Variants in TEKT5 observed in about 807,000 individuals in gnomAD.
TEKT5 encodes the protein tektin-5.
In TEKT5, 52 loss-of-function variants were observed where a neutral mutation model predicts 48.7. The observed-to-expected ratio is 1.07, with a 90% CI of 0.86 to 1.35. The LOEUF is 1.35. Among genes scored for constraint, TEKT5 ranks in the 40% most tolerant of loss-of-function variants. The pLI, the probability that TEKT5 is intolerant of heterozygous loss-of-function variation, is 0.00. For missense variants in TEKT5, 831 were observed against 641.6 expected (o/e 1.30, Z -3.19); for synonymous variants, 318 against 267.6 (o/e 1.19, Z -1.84).
rs779385992 is a variant in TEKT5, at chr16:10,688,452, C to T, written c.719+801G>A. On this transcript the variant is annotated intron_variant, in intron 3 of 6. Coordinates refer to ENST00000283025, the MANE Select transcript of TEKT5 (RefSeq NM_144674.2). ...AAGGTGCCCGCCCCCCCTGCATCCA[C>T]GCCAACTGCCCATGTGCACCAGGCA... Among the ~76,000 whole-genome samples, 7 of 152,352 alleles carry T rather than the reference C, an allele frequency of 4.6e-5. No individual in the cohort carries two copies. The East Asian group carries it at 9.6e-4, about 21-fold the overall frequency.
At chr16:10,687,555 C>T (rs1180138000) in intron 3 of TEKT5, among the ~76,000 whole-genome samples, 2 of 152,216 alleles carry the variant, frequency 1.3e-5, no homozygotes, top group Non-Finnish European at 2.9e-5. Context: ...GAGTTCCAGA[C>T]CAGCCTGGCC....
At chr16:10,683,882 C>G (rs901517187) in intron 3 of TEKT5, among the ~76,000 whole-genome samples, 1 of 152,190 alleles carries the variant, frequency 6.6e-6, no homozygotes, top group East Asian at 1.9e-4. Context: ...CATAAGCCAC[C>G]GCACCTGGCC....
chr16:10,677,427 T>C lies in TEKT5; in HGVS notation c.864-1246A>G, dbSNP rs748923443. Among the ~76,000 whole-genome samples, 38 of 146,748 alleles carry C rather than the reference T, an allele frequency of 2.6e-4. 2 individuals carry two copies. The highest frequency in any genetic ancestry group is 5.0e-4 in the Non-Finnish European group (34 of 67,912). On this transcript the variant is annotated intron_variant, in intron 4 of 6. Coordinates refer to ENST00000283025, the MANE Select transcript of TEKT5 (RefSeq NM_144674.2). ...GAATTTGAGACCAGCCTGGCCAACA[T>C]GGTGAAATCCCGTCTCTACTAAAAA...
chr16:10,651,213 T>C (rs978168815), intron 5 of TEKT5, among the ~76,000 whole-genome samples: 1 of 152,164 alleles, frequency 6.6e-6, no homozygotes, highest in African/African-American at 2.4e-5. Context: ...GGTATCCACA[T>C]GCCTCATTCT....
At chr16:10,633,288 G>C (rs1409206252) in intron 6 of TEKT5, among the ~76,000 whole-genome samples, 1 of 152,156 alleles carries the variant, frequency 6.6e-6, no homozygotes, top group Admixed American at 6.5e-5. Flanking sequence ...TTGAACCCGG[G>C]AGGTGGAGGT....
intron 3 of TEKT5, among the ~76,000 whole-genome samples, chr16:10,685,436 A>G (rs115362928): frequency 0.024 from 3,624 of 152,102 alleles, 130 homozygotes; most frequent in African/African-American, 0.083. Flanking sequence ...AGTAGCTGGG[A>G]TTAGAGACAT....
Position 10,694,689 on chromosome 16 carries a change from T to C in TEKT5, c.185A>G (p.Gln62Arg). The stretch of plus-strand genomic sequence containing the variant: ...ACTGGTGCTCTCGTCCGGGCAGGTC[T>C]GGACGTTGGCTATCTTGTAGAAGAG... ...PSLFYKIANV[Q>R]TCPDESTSTL... Residue 62 changes from glutamine to arginine, a missense_variant, in exon 1 of 7, where the codon CAG (glutamine) becomes CGG (arginine). Gln to Arg is a conservative substitution (Grantham distance 43, BLOSUM62 1). Transcript: ENST00000283025. 1 of 1,613,690 alleles carries C rather than the reference T, an allele frequency of 6.2e-7. No homozygotes were observed. The highest frequency in any genetic ancestry group is 8.5e-7 in the Non-Finnish European group (1 of 1,179,728).
intron 4 of TEKT5, among the ~76,000 whole-genome samples, chr16:10,680,201 G>C (rs1340284453): frequency 6.6e-6 from 1 of 152,244 alleles, no homozygotes; most frequent in East Asian, 1.9e-4. Flanking sequence ...ACCTTGTCAG[G>C]AAGAGAAGGA....
chr16:10,655,023 A>C (rs979170371), intron 5 of TEKT5, among the ~76,000 whole-genome samples: 3 of 143,732 alleles, frequency 2.1e-5, no homozygotes, highest in Non-Finnish European at 4.5e-5. Context: ...GACAATAGGA[A>C]ATTCAGATTT....
chr16:10,637,219 A>G (rs759962116), intron 5 of TEKT5, among the ~76,000 whole-genome samples: 21 of 151,504 alleles, frequency 1.4e-4, no homozygotes, highest in Non-Finnish European at 2.5e-4. Context: ...TATTTTTAGT[A>G]CAGATGGGGT....
intron 5 of TEKT5, among the ~76,000 whole-genome samples, chr16:10,665,633 C>A (rs2541514): frequency 0.34 from 51,465 of 151,948 alleles, 9,903 homozygotes; most frequent in East Asian, 0.54. Context: ...AGCTGTGACA[C>A]AGTCACCCTG....
intron 5 of TEKT5, among the ~76,000 whole-genome samples, chr16:10,674,995 T>C (rs1898619124): frequency 6.6e-6 from 1 of 151,994 alleles, no homozygotes. Context: ...TGGCTAATTT[T>C]TTCTATTTTT....
rs1209020264 is a variant in TEKT5, at chr16:10,694,394, G to A, written c.480C>T (p.Asp160=). The change falls in exon 1 of 7, where the codon GAC becomes GAT. Residue 160 remains aspartate, a synonymous_variant. Transcript: ENST00000283025. ...AGTTCTGGTTCTCAGTCAGAAGCCTGTCCAGCTCATAGCTCAGCTCTGACT... is the reference window on the plus strand; with the variant it reads ...AGTTCTGGTTCTCAGTCAGAAGCCTATCCAGCTCATAGCTCAGCTCTGACT... ...FWKSELSYEL[D]RLLTENQNLE... is the part of the protein sequence containing the mutation. 1.2e-6 allele frequency: 2 copies of A among 1,614,130 alleles called. No individual in the cohort carries two copies. The highest frequency in any genetic ancestry group is 1.3e-5 in the African/African-American group (1 of 75,048).
intron 6 of TEKT5, among the ~76,000 whole-genome samples, chr16:10,632,766 G>T (rs1897856221): frequency 6.6e-6 from 1 of 151,928 alleles, no homozygotes; most frequent in Non-Finnish European, 1.5e-5. Context: ...GCACAGATGG[G>T]ACAATTTAGC....
intron 4 of TEKT5, among the ~76,000 whole-genome samples, chr16:10,679,498 CATT>C: frequency 6.6e-6 from 1 of 151,514 alleles, no homozygotes; most frequent in Admixed American, 6.6e-5. Context: ...TCATTATCAT[CATT>C]GTTAATCCAT....
intron 5 of TEKT5, among the ~76,000 whole-genome samples, chr16:10,664,422 G>A (rs969976411): frequency 2.6e-5 from 4 of 152,248 alleles, no homozygotes; most frequent in Non-Finnish European, 5.9e-5. Context: ...CTGAGAACGT[G>A]CATTTCTAAC....
chr16:10,690,094 A>C (rs1230569284), intron 1 of TEKT5, 69 bp from the exon 2 acceptor site: 1 of 1,512,824 alleles, frequency 6.6e-7, no homozygotes, highest in African/African-American at 1.4e-5. Context: ...GAAGGGACTC[A>C]CATCCACCCT....
At chr16:10,631,838 G>A (rs1897845727) in intron 6 of TEKT5, among the ~76,000 whole-genome samples, 1 of 152,210 alleles carries the variant, frequency 6.6e-6, no homozygotes, top group Admixed American at 6.5e-5. Flanking sequence ...AGAGCCTCCA[G>A]GAACAGCAAC....
chr16:10,686,354 G>A (rs13333286), intron 3 of TEKT5, among the ~76,000 whole-genome samples: 19,075 of 152,020 alleles, frequency 0.13, 1,309 homozygotes, highest in African/African-American at 0.18. Flanking sequence ...CTACTCAGGA[G>A]GCCGAAGCAG....
Sources: allele counts gnomAD v4.1 joint callset (sites outside exome capture counted in the v4.1 genomes callset), GRCh38; gene constraint gnomAD v4.1.1; transcripts MANE v1.5; gene names NCBI Gene and HGNC (gene_info 2026-07-23, HGNC 2026-07-21).